The following NBPF20 variants were observed in gnomAD, a reference collection of about 807,000 sequenced individuals.
The protein encoded by NBPF20 is NBPF member 20.
A neutral mutation model predicts 68.1 loss-of-function variants in NBPF20; 90 were observed. The observed-to-expected ratio is 1.32, with a 90% CI of 1.11 to 1.58. The LOEUF is 1.58. NBPF20 is among the 40% of genes most tolerant of loss of function. NBPF20 has a pLI of 0.00. For synonymous variants in NBPF20, 290 were observed against 228.1 expected, an observed-to-expected ratio of 1.27 and a Z score of -2.45; for missense variants, 816 against 601.2, an observed-to-expected ratio of 1.36 and a Z score of -3.74.
chr1:145,407,605 T>A (rs1553668054), upstream of NBPF20, among the ~76,000 whole-genome samples: 1 of 149,198 alleles, frequency 6.7e-6, no homozygotes, highest in Non-Finnish European at 1.5e-5. Context: ...TATATTTTTC[T>A]TTTTTAAGTG....
Position 145,393,649 on chromosome 1 carries a change from G to T in NBPF20, c.1043+235C>A, listed in dbSNP as rs1165000669. 12 of 1,106,746 alleles carry T rather than the reference G, an allele frequency of 1.1e-5. 1 individual carries two copies. The African/African-American group carries it at 1.7e-4, about 16-fold the overall frequency. The allele number at this position is 1,106,746 out of a possible 1,614,324, so 68.6% of individuals were successfully genotyped here. A position where few individuals can be genotyped will look rare whatever the true frequency, so the allele number is the denominator to read the frequency against. On this transcript the variant is annotated intron_variant, in intron 9 of 137. Coordinates refer to ENST00000369373, the Ensembl canonical transcript of NBPF20. Reference sequence around the variant, plus strand: ...GCTCAAGTTTCCCTGCAGTTACCATGAGAATACAGCTTTTGAGTTATGGTC... The same window carrying T: ...GCTCAAGTTTCCCTGCAGTTACCATTAGAATACAGCTTTTGAGTTATGGTC...
chr1:145,334,888 G>A lies in NBPF20; in HGVS notation c.10053-257C>T, dbSNP rs1230495202. On this transcript the variant is annotated intron_variant, in intron 83 of 137. Transcript: ENST00000369373. ...AAAGTAAGCTCAGCGAGTTGGCCGG[G>A]TGACACACTGATGAAGGGGTCAAAG... Among the ~76,000 whole-genome samples the A allele has an allele frequency of 2.9e-5, 4 of 136,696 alleles. No homozygotes were observed. In the East Asian group the frequency reaches 8.5e-4, roughly 29 times the overall value. 89.7% of individuals were successfully genotyped at this position (136,696 alleles called of 152,430 possible). A position where few individuals can be genotyped will look rare whatever the true frequency, so the allele number is the denominator to read the frequency against.
chr1:145,394,863 T>A, intron 8 of NBPF20, 115 bp downstream of exon 13: 2 of 1,578,486 alleles, frequency 1.3e-6, no homozygotes, highest in South Asian at 1.1e-5. Flanking sequence ...GATATATAGG[T>A]TCAGCCCACG....
chr1:145,393,428 G>T (rs1304969812), intron 9 of NBPF20, among the ~76,000 whole-genome samples, 182 bp from the exon 15 acceptor site: 1 of 146,556 alleles, frequency 6.8e-6, no homozygotes, highest in East Asian at 2.0e-4. Context: ...AAGGATGAAA[G>T]AGAGAGACAC....
the NBPF20 span, among the ~76,000 whole-genome samples, chr1:145,412,341 A>G: frequency 2.6e-5 from 4 of 152,056 alleles, no homozygotes; most frequent in Non-Finnish European, 5.9e-5. Context: ...GGTATTTCAG[A>G]TTAAGACACC....
At chr1:145,400,453 G>A (rs1662467388) in exon 6 of NBPF20, 10 of 1,612,936 alleles carry the variant, frequency 6.2e-6, no homozygotes, top group African/African-American at 5.3e-5. Flanking sequence ...GAGTTGAGTC[G>A]ACTTTGTCTT....
chr1:145,407,500 AATAT>A (rs1204042294), upstream of NBPF20, among the ~76,000 whole-genome samples: 10 of 146,254 alleles, frequency 6.8e-5, no homozygotes, highest in Admixed American at 4.8e-4. Flanking sequence ...GAATATATAT[AATAT>A]ATATACGTGT....
the NBPF20 span, among the ~76,000 whole-genome samples, chr1:145,419,141 AAGGAAGGAAGGAAGGG>A: frequency 7.4e-6 from 1 of 134,500 alleles, no homozygotes; most frequent in Non-Finnish European, 1.6e-5. Flanking sequence ...GGGAGGAAGG[AAGGAAGGAAGGAAGGG>A]AGGGAGGGTG....
Position 145,291,419 on chromosome 1 carries a change from C to T in NBPF20, c.*107G>A. 4 of 1,607,694 alleles carry T rather than the reference C, an allele frequency of 2.5e-6. No homozygotes were observed. The East Asian group carries it at 6.7e-5, about 27-fold the overall frequency. Reference sequence around the variant, plus strand: ...TAGGAATACAGCCATGCCCACTGACCCATCCTATGTCTGGGCTTCCAAATG... The same window carrying T: ...TAGGAATACAGCCATGCCCACTGACTCATCCTATGTCTGGGCTTCCAAATG... On this transcript the variant is annotated 3_prime_UTR_variant, in exon 138 of 138. Coordinates refer to ENST00000369373, the Ensembl canonical transcript of NBPF20.
At chr1:145,312,017 G>A (rs1418278312) in intron 112 of NBPF20, among the ~76,000 whole-genome samples, 191 bp downstream of exon 117, 2 of 43,270 alleles carry the variant, frequency 4.6e-5, no homozygotes, top group African/African-American at 1.9e-4. Flanking sequence ...TAGGAAGAGA[G>A]CCTTGCTCAC....
rs1449143748 is a variant in NBPF20 at position 145,292,196 on chromosome 1, G to C, written c.16697+185C>G. 2.7e-5 allele frequency among the ~76,000 whole-genome samples: 4 copies of C among 149,952 alleles called. No homozygotes were observed. In the East Asian group the frequency reaches 5.8e-4, roughly 22 times the overall value. The stretch of plus-strand genomic sequence containing the variant: ...AGTATGGTCAACCTATGGCACGTTA[G>C]TAAAAGATAAGGGGAGGAAGAAATG... On this transcript the variant is annotated intron_variant, in intron 137 of 137. Coordinates refer to ENST00000369373, the Ensembl canonical transcript of NBPF20.
At chr1:145,291,473 T>C (rs1661078673) in exon 138 of NBPF20, 1 of 1,611,994 alleles carries the variant, frequency 6.2e-7, no homozygotes. Context: ...AATCTTCACG[T>C]GCCTATAGGT....
intron 7 of NBPF20, among the ~76,000 whole-genome samples, chr1:145,397,280 A>G (rs1345144134): frequency 1.1e-4 from 16 of 151,960 alleles, no homozygotes; most frequent in Non-Finnish European, 1.9e-4. Flanking sequence ...TTGGGTACAC[A>G]CCCAGTAATG....
At chr1:145,403,829 G>A (rs1242494945) in intron 2 of NBPF20, among the ~76,000 whole-genome samples, 2 of 151,696 alleles carry the variant, frequency 1.3e-5, no homozygotes, top group Non-Finnish European at 2.9e-5. Context: ...CATATCTGAA[G>A]CATAAAGTGT....
chr1:145,407,291 G>A (rs1329323954), upstream of NBPF20, among the ~76,000 whole-genome samples: 19 of 146,652 alleles, frequency 1.3e-4, no homozygotes, highest in Admixed American at 9.6e-4. Flanking sequence ...GGTGAGGGCT[G>A]GGGGAGGGAT....
intron 2 of NBPF20, among the ~76,000 whole-genome samples, chr1:145,404,300 C>G (rs587736190): frequency 6.6e-6 from 1 of 151,564 alleles, no homozygotes; most frequent in African/African-American, 2.4e-5. Flanking sequence ...GCCCTGTCAC[C>G]CATGCTGGAG....
chr1:145,291,266 T>A (rs1440140851), exon 138 of NBPF20: 3 of 607,252 alleles, frequency 4.9e-6, no homozygotes, highest in African/African-American at 1.9e-5. Flanking sequence ...CAGAGATACG[T>A]GGTTCAAATT....
exon 138 of NBPF20, chr1:145,291,605 T>A (rs587668912): frequency 3.1e-6 from 5 of 1,611,952 alleles, no homozygotes; most frequent in South Asian, 1.1e-5. Flanking sequence ...ATTGTCCACG[T>A]AAAGGGCGAA....
intron 7 of NBPF20, among the ~76,000 whole-genome samples, chr1:145,397,681 G>A (rs1240373410): frequency 6.6e-6 from 1 of 152,126 alleles, no homozygotes; most frequent in Non-Finnish European, 1.5e-5. Flanking sequence ...ATCAACTAAT[G>A]GGCGAAATAA....
Sources: allele counts gnomAD v4.1 joint callset (sites outside exome capture counted in the v4.1 genomes callset), GRCh38; gene constraint gnomAD v4.1.1; transcripts MANE v1.5; gene names NCBI Gene and HGNC (gene_info 2026-07-23, HGNC 2026-07-21).